The following TTC27 variants were observed in gnomAD, a reference collection of about 807,000 sequenced individuals.
The protein encoded by TTC27 is tetratricopeptide repeat domain 27, also known as tetratricopeptide repeat protein 27.
In TTC27, 79 loss-of-function variants were observed where a neutral mutation model predicts 115.9. That is an observed-to-expected ratio of 0.68 (90% CI 0.57 to 0.82). The LOEUF is 0.82. Among genes scored for constraint, TTC27 ranks in the 40% least tolerant of loss-of-function variants. The probability of loss-of-function intolerance (pLI) is 0.00; values close to 1 mark genes in which losing one functional copy is unlikely to be tolerated. For synonymous variants in TTC27, 401 were observed against 356.0 expected, an observed-to-expected ratio of 1.13 and a Z score of -1.42; for missense variants, 1,054 against 993.1, an observed-to-expected ratio of 1.06 and a Z score of -0.82.
intron 3 of TTC27, 111 bp from the exon 4 acceptor site, chr2:32,640,159 T>G (rs555376390): frequency 2.0e-6 from 2 of 998,738 alleles, no homozygotes; most frequent in East Asian, 5.2e-5. Context: ...AATATATTAA[T>G]GCTTTTGTTT....
At chr2:32,722,831 C>A (rs1374655767) in intron 10 of TTC27, among the ~76,000 whole-genome samples, 7 of 152,108 alleles carry the variant, frequency 4.6e-5, no homozygotes, top group Admixed American at 6.5e-5. Flanking sequence ...GGCACACAAT[C>A]TCAGGACATG....
At chr2:32,648,466 C>T (rs1257974066) in intron 4 of TTC27, among the ~76,000 whole-genome samples, 1 of 128,118 alleles carries the variant, frequency 7.8e-6, no homozygotes, top group East Asian at 2.5e-4. Context: ...TTAAAACAGA[C>T]TTAGTCTTAC....
intron 9 of TTC27, among the ~76,000 whole-genome samples, chr2:32,684,924 A>C (rs1265026225): frequency 6.9e-6 from 1 of 145,116 alleles, no homozygotes; most frequent in African/African-American, 2.6e-5. Flanking sequence ...ACAGCAACCA[A>C]AAAAAAAAAA....
Position 32,812,600 on chromosome 2 carries a change from T to C in TTC27, c.2293T>C (p.Leu765=). The change falls in exon 18 of 20, where the codon TTA becomes CTA. Residue 765 remains leucine (L), a synonymous_variant. Coordinates refer to ENST00000317907, the MANE Select transcript of TTC27 (RefSeq NM_017735.5). ...TSFKEVVQRA[L]GLAHVAIKCS... is the part of the protein sequence containing the mutation. ...ATTTAAGGAAGTTGTTCAAAGAGCCTTAGGACTTGCACATGGTATTTGATG... is the reference window on the plus strand; with the variant it reads ...ATTTAAGGAAGTTGTTCAAAGAGCCCTAGGACTTGCACATGGTATTTGATG... 3 of 1,612,902 alleles carry C rather than the reference T, an allele frequency of 1.9e-6. No individual in the cohort carries two copies. Among genetic ancestry groups the C allele is most frequent in the Non-Finnish European group, 2.5e-6 (3 of 1,178,872 alleles).
chr2:32,742,444 C>G (rs2151919511), intron 12 of TTC27, among the ~76,000 whole-genome samples: 1 of 152,290 alleles, frequency 6.6e-6, no homozygotes, highest in African/African-American at 2.4e-5. Flanking sequence ...TTAAAAAAAT[C>G]AAGCCAGAGC....
intron 9 of TTC27, among the ~76,000 whole-genome samples, chr2:32,696,979 G>A (rs1412894303): frequency 6.6e-6 from 1 of 152,098 alleles, no homozygotes; most frequent in Non-Finnish European, 1.5e-5. Flanking sequence ...TGGGCTCATT[G>A]CTTGAGCCCA....
chr2:32,666,827 G>C, intron 7 of TTC27, 59 bp downstream of exon 7: 1 of 1,569,872 alleles, frequency 6.4e-7, no homozygotes, highest in East Asian at 2.3e-5. Context: ...AATTTCAATA[G>C]CTGAGTACCA....
At chr2:32,757,402 A>G (rs181311733) in intron 12 of TTC27, among the ~76,000 whole-genome samples, 108 of 152,276 alleles carry the variant, frequency 7.1e-4, no homozygotes, top group African/African-American at 2.4e-3. Flanking sequence ...AGGGCCAGTG[A>G]AGCAGTGTTC....
rs370896183 is a variant in TTC27, at chr2:32,758,475, T to C, written c.1636T>C (p.Cys546Arg). 8.1e-6 allele frequency: 13 copies of C among 1,613,868 alleles called. No homozygotes were observed. The highest frequency in any genetic ancestry group is 1.1e-5 in the Non-Finnish European group (13 of 1,179,980). Residue 546 changes from cysteine (C) to arginine (R), a missense_variant, in exon 13 of 20, where the codon TGT (cysteine) becomes CGT (arginine). Physicochemically the swap from Cys to Arg is radical, Grantham distance 180. Transcript: ENST00000317907. ...LHLRNKEFQE[C>R]VECFERSVKI... ...TCTTCGGAACAAGGAGTTTCAAGAG[T>C]GTGTAGAGTGCTTCGAACGCTCGGT... is the stretch of plus-strand genomic sequence containing the variant.
intron 13 of TTC27, among the ~76,000 whole-genome samples, chr2:32,760,172 C>T (rs535353794): frequency 1.3e-5 from 2 of 152,250 alleles, no homozygotes; most frequent in Admixed American, 6.5e-5. Context: ...ACTTTCCGAA[C>T]TCTGAATGGT....
chr2:32,753,701 T>C (rs556676946), intron 12 of TTC27, among the ~76,000 whole-genome samples: 1 of 152,138 alleles, frequency 6.6e-6, no homozygotes, highest in Non-Finnish European at 1.5e-5. Context: ...CCCACACTGG[T>C]CTCCCAAAGT....
At chr2:32,631,663 T>C (rs1664216453) in intron 2 of TTC27, among the ~76,000 whole-genome samples, 1 of 152,190 alleles carries the variant, frequency 6.6e-6, no homozygotes, top group African/African-American at 2.4e-5. Context: ...AGGAAATAGC[T>C]TCATTTAGTC....
chr2:32,630,267 T>C (rs1475031048), intron 1 of TTC27, among the ~76,000 whole-genome samples: 1 of 152,166 alleles, frequency 6.6e-6, no homozygotes, highest in Admixed American at 6.5e-5. Context: ...TACCTATTAA[T>C]GAGGAATATT....
At chr2:32,707,211 A>T (rs1198395408) in intron 10 of TTC27, among the ~76,000 whole-genome samples, 1 of 152,222 alleles carries the variant, frequency 6.6e-6, no homozygotes, top group Non-Finnish European at 1.5e-5. Context: ...AAAGAAAAGA[A>T]ATTTGTTTCT....
At chr2:32,743,376 C>T (rs1437826581) in intron 12 of TTC27, among the ~76,000 whole-genome samples, 2 of 152,088 alleles carry the variant, frequency 1.3e-5, no homozygotes, top group East Asian at 3.9e-4. Flanking sequence ...TAATTTTTCA[C>T]CCATATTCTT....
chr2:32,691,359 C>T (rs930261141), intron 9 of TTC27, among the ~76,000 whole-genome samples: 6 of 149,624 alleles, frequency 4.0e-5, no homozygotes, highest in Non-Finnish European at 5.9e-5. Flanking sequence ...AGTGCAATGG[C>T]GCAATCTCGG....
intron 10 of TTC27, among the ~76,000 whole-genome samples, chr2:32,704,668 C>T (rs1667305847): frequency 6.6e-6 from 1 of 152,146 alleles, no homozygotes; most frequent in African/African-American, 2.4e-5. Context: ...TCCTCTCAGG[C>T]TCCTTTATTC....
intron 11 of TTC27, among the ~76,000 whole-genome samples, chr2:32,734,541 T>C (rs1668391192): frequency 1.3e-5 from 2 of 152,362 alleles, no homozygotes; most frequent in South Asian, 2.1e-4. Context: ...GAATACCTAC[T>C]GTAGCTCCTA....
intron 15 of TTC27, 35 bp from the exon 16 acceptor site, chr2:32,786,949 C>T: frequency 6.4e-7 from 1 of 1,553,976 alleles, no homozygotes. Flanking sequence ...AAAAAGAGTT[C>T]ATTATTGCTC....
Sources: allele counts gnomAD v4.1 joint callset (sites outside exome capture counted in the v4.1 genomes callset), GRCh38; gene constraint gnomAD v4.1.1; transcripts MANE v1.5; gene names NCBI Gene and HGNC (gene_info 2026-07-23, HGNC 2026-07-21).